CEP152: variants seen among roughly 807,000 people sequenced by gnomAD.
CEP152 encodes centrosomal protein of 152 kDa.
In CEP152, 132 loss-of-function variants were observed where a neutral mutation model predicts 188.9. That is an observed-to-expected ratio of 0.70 (90% CI 0.61 to 0.81). The LOEUF (loss-of-function observed/expected upper bound fraction) is 0.81. Among genes scored for constraint, CEP152 ranks in the 30% least tolerant of loss-of-function variants. The pLI is 0.00. For missense variants in CEP152, 1,914 were observed against 1,969.8 expected (o/e 0.97, Z 0.54); for synonymous variants, 649 against 666.6 (o/e 0.97, Z 0.41).
chr15:48,755,592 G>A (rs1196888497), intron 20 of CEP152, among the ~76,000 whole-genome samples: 1 of 152,050 alleles, frequency 6.6e-6, no homozygotes, highest in Non-Finnish European at 1.5e-5. Flanking sequence ...GTGGTTTGCT[G>A]CACCTATCAA....
chr15:48,734,032 C>A (rs1290759374), downstream of CEP152, among the ~76,000 whole-genome samples: 3 of 152,024 alleles, frequency 2.0e-5, no homozygotes, highest in Non-Finnish European at 4.4e-5. Context: ...AAGGAAATGA[C>A]AACAGACCTG....
intron 1 of CEP152, among the ~76,000 whole-genome samples, chr15:48,808,077 T>C (rs531102487): frequency 6.6e-6 from 1 of 152,106 alleles, no homozygotes; most frequent in South Asian, 2.1e-4. Flanking sequence ...AAGAAATGAT[T>C]TCAGACATAA....
At chr15:48,765,636 ATTTTTTTTTTTTT>A (rs34837739) in intron 17 of CEP152, 195 of 189,438 alleles carry the variant, frequency 1.0e-3, no homozygotes, top group Admixed American at 2.3e-3. Flanking sequence ...GTTCTTGCCA[ATTTTTTTTTTTTT>A]TTTTTTTTTT....
chr15:48,738,832 G>C lies in CEP152; in HGVS notation c.4550C>G (p.Ser1517Ter). 6.2e-7 allele frequency: 1 copy of C among 1,614,184 alleles called. No individual in the cohort carries two copies. Among genetic ancestry groups the C allele is most frequent in the South Asian group, 1.1e-5 (1 of 91,074 alleles). Residue 1517 changes from serine (S) to a stop codon, truncating the protein, a stop_gained, in exon 27 of 27, where the codon TCA becomes TGA. Transcript: ENST00000380950. LOFTEE classifies it low-confidence loss of function (END_TRUNC). ...GCGAAAGGTTATATGCATGCATCCTGATTCAGAAGGACCAGGGGTACATCT... is the reference window on the plus strand; with the variant it reads ...GCGAAAGGTTATATGCATGCATCCTCATTCAGAAGGACCAGGGGTACATCT... ...SPRCTPGPSESGCMHITFRDS... is the reference protein window; with the variant it reads ...SPRCTPGPSE
chr15:48,757,658 G>A, intron 19 of CEP152, among the ~76,000 whole-genome samples: 1 of 152,114 alleles, frequency 6.6e-6, no homozygotes, highest in East Asian at 1.9e-4. Context: ...CCTAGACAAT[G>A]GTGGTTACCA....
At chr15:48,800,454 T>C (rs1286358591) in intron 2 of CEP152, among the ~76,000 whole-genome samples, 1 of 152,148 alleles carries the variant, frequency 6.6e-6, no homozygotes, top group African/African-American at 2.4e-5. Context: ...GCCCTCCTCA[T>C]ATACATTGTC....
chr15:48,780,161 T>C (rs1424007637), intron 12 of CEP152, among the ~76,000 whole-genome samples: 6 of 152,312 alleles, frequency 3.9e-5, no homozygotes, highest in Admixed American at 2.0e-4. Flanking sequence ...TGAAGGTGGC[T>C]CCTACTAAAT....
chr15:48,796,984 T>C (rs902851087), intron 5 of CEP152, among the ~76,000 whole-genome samples: 21 of 152,248 alleles, frequency 1.4e-4, no homozygotes, highest in African/African-American at 3.1e-4. Flanking sequence ...CAGCTTCTCA[T>C]TGAAGCACAG....
At position 48,791,382 on chromosome 15, in the gene CEP152, G is replaced by A; in HGVS notation, c.833-6C>T. The A allele has an allele frequency of 6.2e-7, 1 of 1,608,614 alleles. No homozygotes were observed. Among genetic ancestry groups the A allele is most frequent in the Non-Finnish European group, 8.5e-7 (1 of 1,177,788 alleles). On this transcript the variant is annotated splice_region_variant and splice_polypyrimidine_tract_variant and intron_variant, in intron 7 of 26. Coordinates refer to ENST00000380950, the MANE Select transcript of CEP152 (RefSeq NM_001194998.2). ...AGTCAAACCATCCTTTTCATCTACG[G>A]TATTAAAAATGTTTATATAAATAAT...
intron 9 of CEP152, among the ~76,000 whole-genome samples, 164 bp downstream of exon 9, chr15:48,788,637 G>A (rs994882245): frequency 4.0e-5 from 6 of 151,872 alleles, no homozygotes; most frequent in African/African-American, 9.7e-5. Context: ...GAGCCATTGC[G>A]TCCAGCCAAT....
chr15:48,809,799 A>C (rs16961674), intron 1 of CEP152, among the ~76,000 whole-genome samples: 3,569 of 152,352 alleles, frequency 0.023, 136 homozygotes, highest in African/African-American at 0.082. Flanking sequence ...ACTGATGAAT[A>C]GGAGTCTGCC....
chr15:48,776,625 G>A (rs1895926478), intron 12 of CEP152, among the ~76,000 whole-genome samples: 1 of 151,952 alleles, frequency 6.6e-6, no homozygotes. Context: ...AGCTAAACTG[G>A]TTCATTCATC....
chr15:48,740,008 C>T (rs559073087), intron 26 of CEP152, among the ~76,000 whole-genome samples: 1 of 152,310 alleles, frequency 6.6e-6, no homozygotes, highest in East Asian at 1.9e-4. Flanking sequence ...CAACATCAGA[C>T]TCATGGACCC....
At chr15:48,784,268 A>C in intron 9 of CEP152, 148 bp from the exon 10 acceptor site, 2 of 730,368 alleles carry the variant, frequency 2.7e-6, no homozygotes, top group South Asian at 3.8e-5. Context: ...AAGTGCACAG[A>C]ACTGGGAGTC....
At chr15:48,753,620 T>C (rs1448467892) in intron 20 of CEP152, among the ~76,000 whole-genome samples, 1 of 152,170 alleles carries the variant, frequency 6.6e-6, no homozygotes, top group Non-Finnish European at 1.5e-5. Context: ...ATGCAGTCAG[T>C]GCTTCCAGTT....
rs947629722 is a variant in CEP152 at position 48,761,643 on chromosome 15, A to C, written c.2562+748T>G. 2.0e-5 allele frequency among the ~76,000 whole-genome samples: 3 copies of C among 152,164 alleles called. No homozygotes were observed. The East Asian group carries it at 5.8e-4, about 29-fold the overall frequency. ...GTGCTTGGGTATTTTTGTTTTTTAA[A>C]AATTTCTCAGATTTTCCAATAGTGT... On this transcript the variant is annotated intron_variant, in intron 18 of 26. Coordinates refer to ENST00000380950, the MANE Select transcript of CEP152 (RefSeq NM_001194998.2).
chr15:48,804,286 A>G (rs1370716630), intron 2 of CEP152, among the ~76,000 whole-genome samples: 2 of 152,224 alleles, frequency 1.3e-5, no homozygotes, highest in Non-Finnish European at 2.9e-5. Context: ...CAATTTTTTA[A>G]AAGCACTCTG....
At chr15:48,736,750 G>A (rs1460482001), downstream of CEP152, among the ~76,000 whole-genome samples, 1 of 152,178 alleles carries the variant, frequency 6.6e-6, no homozygotes, top group East Asian at 1.9e-4. Context: ...CAGAAAGCAA[G>A]AGAACTTCCA....
intron 12 of CEP152, among the ~76,000 whole-genome samples, chr15:48,774,640 A>G (rs1301707506): frequency 6.6e-6 from 1 of 152,236 alleles, no homozygotes; most frequent in Non-Finnish European, 1.5e-5. Context: ...CACAATGACT[A>G]AACCCGAAGG....
Sources: gnomAD v4.1 joint callset for allele counts (sites outside exome capture counted in the v4.1 genomes callset) on GRCh38, gnomAD v4.1.1 for gene constraint, MANE v1.5 for transcripts, NCBI Gene and HGNC (gene_info 2026-07-23, HGNC 2026-07-21) for gene names.